Variants in RBFOX1 observed in about 807,000 individuals in gnomAD.
RBFOX1 encodes the protein RNA binding protein fox-1 homolog 1.
In RBFOX1, 8 loss-of-function variants were observed where a neutral mutation model predicts 57.7. The observed-to-expected ratio is 0.14, with a 90% CI of 0.08 to 0.25. The LOEUF (loss-of-function observed/expected upper bound fraction) is 0.25, where lower values mean the gene tolerates loss of function less well. Among genes scored for constraint, RBFOX1 ranks in the 10% least tolerant of loss-of-function variants. The pLI, the probability that RBFOX1 is intolerant of heterozygous loss-of-function variation, is 1.00. For synonymous variants in RBFOX1, 326 were observed against 222.4 expected, an observed-to-expected ratio of 1.47 and a Z score of -4.15; for missense variants, 611 against 548.5, an observed-to-expected ratio of 1.11 and a Z score of -1.14.
chr16:5,784,768 C>T (rs577528513), intron 3 of RBFOX1, among the ~76,000 whole-genome samples: 1 of 152,212 alleles, frequency 6.6e-6, no homozygotes, highest in African/African-American at 2.4e-5. Context: ...GGAAGAGGCC[C>T]CAGAGAGCTG....
At chr16:6,839,533 G>C (rs535609164) in intron 3 of RBFOX1, among the ~76,000 whole-genome samples, 1 of 152,172 alleles carries the variant, frequency 6.6e-6, no homozygotes, top group East Asian at 1.9e-4. Flanking sequence ...TAATCAGACA[G>C]ACAAGGAGGG....
At chr16:6,252,786 G>A (rs113060151) in intron 1 of RBFOX1, among the ~76,000 whole-genome samples, 108 of 152,252 alleles carry the variant, frequency 7.1e-4, no homozygotes, top group East Asian at 1.9e-3. Flanking sequence ...TAAATTCTGC[G>A]TAGGGAATTA....
At chr16:7,515,358 C>T (rs972634525) in intron 4 of RBFOX1, among the ~76,000 whole-genome samples, 1 of 150,984 alleles carries the variant, frequency 6.6e-6, no homozygotes, top group South Asian at 2.1e-4. Context: ...GTCAGTTTTG[C>T]AAGACAGATA....
At chr16:6,165,137 C>G (rs2096907813) in intron 1 of RBFOX1, among the ~76,000 whole-genome samples, 1 of 152,034 alleles carries the variant, frequency 6.6e-6, no homozygotes, top group African/African-American at 2.4e-5. Context: ...CAAGCCTCAG[C>G]TTTGGCAGTT....
At chr16:7,082,554 C>A (rs1439998093) in intron 4 of RBFOX1, among the ~76,000 whole-genome samples, 1 of 147,748 alleles carries the variant, frequency 6.8e-6, no homozygotes, top group African/African-American at 2.5e-5. Flanking sequence ...AGAGTGAGAC[C>A]ATGTCTCAAA....
chr16:5,841,904 A>C (rs2056634999), intron 3 of RBFOX1, among the ~76,000 whole-genome samples: 1 of 152,210 alleles, frequency 6.6e-6, no homozygotes, highest in Admixed American at 6.5e-5. Context: ...CGAGAGTCTC[A>C]AGTCTGATTT....
chr16:5,512,686 C>A (rs2043645763), intron 2 of RBFOX1, among the ~76,000 whole-genome samples: 1 of 152,110 alleles, frequency 6.6e-6, no homozygotes, highest in Non-Finnish European at 1.5e-5. Context: ...TCCTGCATAC[C>A]CACCCCCAAC....
intron 1 of RBFOX1, among the ~76,000 whole-genome samples, chr16:6,064,576 C>G (rs2095734319): frequency 6.6e-6 from 1 of 151,992 alleles, no homozygotes; most frequent in East Asian, 1.9e-4. Flanking sequence ...GAGTGTCGCT[C>G]TGTCACCAGG....
intron 2 of RBFOX1, among the ~76,000 whole-genome samples, chr16:5,509,580 T>C (rs1037506448): frequency 6.6e-6 from 1 of 152,176 alleles, no homozygotes; most frequent in Admixed American, 6.5e-5. Flanking sequence ...AGTCTTTGTC[T>C]CTTATTCACA....
intron 14 of RBFOX1, among the ~76,000 whole-genome samples, chr16:7,689,523 A>T (rs996328971): frequency 2.6e-5 from 4 of 152,066 alleles, no homozygotes; most frequent in Non-Finnish European, 5.9e-5. Flanking sequence ...TGTATAGATT[A>T]CCAGACCTCT....
In RBFOX1 at chr16:6,658,922, TTTTTGGTTTTTTTG is replaced by T. The variant is rs1223487927; in HGVS notation, c.-16+4277_-16+4290del. ...GAGCACAGGTTTTTTGTTTTTTTGT[TTTTTGGTTTTTTTG>T]TTTTTTTTGTTTTTTTTTTTCCTCC... On this transcript the variant is annotated intron_variant, in intron 3 of 15. Coordinates refer to ENST00000550418, the MANE Select transcript of RBFOX1 (RefSeq NM_018723.4). 3.2e-3 allele frequency among the ~76,000 whole-genome samples: 277 copies of T among 86,694 alleles called. 2 individuals carry two copies. The highest frequency in any genetic ancestry group is 0.011 in the African/African-American group (262 of 24,540). 56.9% of individuals were successfully genotyped at this position (86,694 alleles called of 152,430 possible). A position where few individuals can be genotyped will look rare whatever the true frequency, so the allele number is the denominator to read the frequency against.
chr16:6,540,410 G>A (rs1047387953), intron 2 of RBFOX1, among the ~76,000 whole-genome samples: 5 of 151,488 alleles, frequency 3.3e-5, no homozygotes, highest in African/African-American at 9.7e-5. Context: ...TCAGGAGATC[G>A]AGACTATCCT....
intron 3 of RBFOX1, among the ~76,000 whole-genome samples, chr16:5,650,731 C>G (rs1182038873): frequency 4.6e-5 from 7 of 152,092 alleles, no homozygotes; most frequent in Non-Finnish European, 4.4e-5. Context: ...TCCCTTGCCT[C>G]TCTCCCTCCT....
At chr16:7,649,141 A>G (rs2064389829) in intron 11 of RBFOX1, among the ~76,000 whole-genome samples, 2 of 152,212 alleles carry the variant, frequency 1.3e-5, no homozygotes, top group Non-Finnish European at 2.9e-5. Context: ...CAGCTACTCC[A>G]TAGACAGTAG....
In RBFOX1 at chr16:6,631,689, A is replaced by C. The variant is rs139528237; in HGVS notation, c.-63-22914A>C. Among the ~76,000 whole-genome samples, 830 of 152,298 alleles carry C rather than the reference A, an allele frequency of 5.4e-3. 8 individuals are homozygous for C. Among genetic ancestry groups the C allele is most frequent in the Non-Finnish European group, 6.0e-3 (407 of 68,020 alleles). ...GTACGTGCAATAAAGAAAACAGAAC[A>C]GAGAGGATAAAGCATTGCTGGCTGG... On this transcript the variant is annotated intron_variant, in intron 2 of 15. Transcript: ENST00000550418.
At chr16:7,051,963 G>A in intron 3 of RBFOX1, 94 bp from the exon 4 acceptor site, 1 of 1,529,446 alleles carries the variant, frequency 6.5e-7, no homozygotes, top group Non-Finnish European at 8.8e-7. Context: ...GGTTTTCTTT[G>A]AGCTGAGTAA....
At chr16:6,998,566 C>A (rs1285336821) in intron 3 of RBFOX1, among the ~76,000 whole-genome samples, 1 of 152,086 alleles carries the variant, frequency 6.6e-6, no homozygotes, top group African/African-American at 2.4e-5. Context: ...ATTGAAGAAC[C>A]AAAATAGGAT....
At chr16:6,450,398 A>G (rs543292458) in intron 2 of RBFOX1, among the ~76,000 whole-genome samples, 1 of 152,114 alleles carries the variant, frequency 6.6e-6, no homozygotes, top group African/African-American at 2.4e-5. Context: ...CTTAAGGAAT[A>G]ACTGTGCTAA....
chr16:6,001,542 A>G (rs755094954), intron 4 of RBFOX1, among the ~76,000 whole-genome samples: 5 of 152,136 alleles, frequency 3.3e-5, no homozygotes, highest in African/African-American at 7.2e-5. Context: ...GCTTTTAACA[A>G]TGTTTTCCCG....
Sources: allele counts gnomAD v4.1 joint callset (sites outside exome capture counted in the v4.1 genomes callset), GRCh38; gene constraint gnomAD v4.1.1; transcripts MANE v1.5; gene names NCBI Gene and HGNC (gene_info 2026-07-23, HGNC 2026-07-21).